CEP350: variants seen among roughly 807,000 people sequenced by gnomAD.
CEP350 encodes the protein centrosome-associated protein 350.
In CEP350, 126 loss-of-function variants were observed where a neutral mutation model predicts 331.8. That is an observed-to-expected ratio of 0.38 (90% CI 0.33 to 0.44). The LOEUF is 0.44. Among genes scored for constraint, CEP350 ranks in the 20% least tolerant of loss-of-function variants. CEP350 has a pLI of 1.00. For missense variants in CEP350, 3,406 were observed against 3,634.6 expected, an observed-to-expected ratio of 0.94 and a Z score of 1.62; for synonymous variants, 1,200 against 1,259.5, an observed-to-expected ratio of 0.95 and a Z score of 1.00.
intron 25 of CEP350, among the ~76,000 whole-genome samples, chr1:180,057,050 T>C (rs180994348): frequency 3.5e-4 from 54 of 152,212 alleles, no homozygotes; most frequent in African/African-American, 1.1e-3. Flanking sequence ...CTTTTTAAAA[T>C]AGATTTTGAC....
intron 4 of CEP350, among the ~76,000 whole-genome samples, chr1:179,990,851 A>C (rs2148686100): frequency 6.6e-6 from 1 of 152,132 alleles, no homozygotes; most frequent in Admixed American, 6.5e-5. Flanking sequence ...TAGCTACCAC[A>C]CTCTACCTTA....
intron 37 of CEP350, among the ~76,000 whole-genome samples, chr1:180,103,541 A>G (rs1458395232): frequency 1.3e-5 from 2 of 151,926 alleles, no homozygotes; most frequent in Non-Finnish European, 2.9e-5. Context: ...TTTATGGGGA[A>G]TTGGTCTTTT....
rs758965465 is a variant in CEP350 at position 180,098,977 on chromosome 1, C to T, written c.9181C>T (p.His3061Tyr). Residue 3061 changes from histidine (H) to tyrosine (Y), a missense_variant, in exon 37 of 38, where the codon CAT (histidine) becomes TAT (tyrosine). Transcript: ENST00000367607. ...FGRKKRDRVDHILVQELHEEE... is the reference protein window; with the variant it reads ...FGRKKRDRVDYILVQELHEEE... Reference sequence around the variant, plus strand: ...AAGAAAGAAAAGAGACCGAGTGGATCATATCCTGGTCAGTGTATACAACCA... The same window carrying T: ...AAGAAAGAAAAGAGACCGAGTGGATTATATCCTGGTCAGTGTATACAACCA... 6.2e-7 allele frequency: 1 copy of T among 1,613,250 alleles called. No homozygotes were observed. Among genetic ancestry groups the T allele is most frequent in the South Asian group, 1.1e-5 (1 of 91,030 alleles).
intron 3 of CEP350, among the ~76,000 whole-genome samples, chr1:179,989,304 A>G (rs1652877836): frequency 6.6e-6 from 1 of 151,266 alleles, no homozygotes; most frequent in Non-Finnish European, 1.5e-5. Flanking sequence ...TGAATTTTAA[A>G]CTCCATCTCT....
intron 16 of CEP350, among the ~76,000 whole-genome samples, chr1:180,036,225 C>G (rs1336009008): frequency 6.6e-6 from 1 of 152,136 alleles, no homozygotes; most frequent in Non-Finnish European, 1.5e-5. Context: ...TATGCATGAG[C>G]AAAGAAAGTG....
intron 19 of CEP350, 75 bp downstream of exon 19, chr1:180,041,877 G>T (rs931804010): frequency 1.5e-6 from 2 of 1,356,356 alleles, no homozygotes; most frequent in Non-Finnish European, 2.0e-6. Flanking sequence ...TCAGTAATGG[G>T]TTTCTAATAT....
chr1:179,970,769 A>G (rs1651388199), intron 1 of CEP350, among the ~76,000 whole-genome samples: 1 of 152,246 alleles, frequency 6.6e-6, no homozygotes, highest in Non-Finnish European at 1.5e-5. Flanking sequence ...TTAGAAGATA[A>G]TTGAGAATTG....
At chr1:179,982,107 C>T (rs1652311875) in intron 1 of CEP350, among the ~76,000 whole-genome samples, 1 of 152,110 alleles carries the variant, frequency 6.6e-6, no homozygotes, top group African/African-American at 2.4e-5. Context: ...CATAAATGTG[C>T]AAGTTGATAA....
intron 27 of CEP350, among the ~76,000 whole-genome samples, 192 bp downstream of exon 27, chr1:180,065,464 C>T (rs982179053): frequency 1.3e-5 from 2 of 151,896 alleles, no homozygotes; most frequent in Non-Finnish European, 2.9e-5. Context: ...AATTTTAATA[C>T]GAGCAGGTTT....
intron 14 of CEP350, among the ~76,000 whole-genome samples, chr1:180,025,797 A>G (rs535797156): frequency 1.1e-4 from 17 of 152,250 alleles, no homozygotes; most frequent in Admixed American, 1.1e-3. Context: ...TACCTAATGC[A>G]TGCGGGGCTT....
At chr1:180,043,865 A>G (rs1371247729) in intron 20 of CEP350, among the ~76,000 whole-genome samples, 186 bp from the exon 21 acceptor site, 1 of 151,868 alleles carries the variant, frequency 6.6e-6, no homozygotes, top group Non-Finnish European at 1.5e-5. Context: ...GTTTACATTC[A>G]TTGATACTAG....
chr1:180,066,648 G>A (rs939468121), intron 27 of CEP350, among the ~76,000 whole-genome samples: 6 of 152,138 alleles, frequency 3.9e-5, no homozygotes, highest in African/African-American at 7.2e-5. Context: ...TATAAGAGGT[G>A]AAACCAAATA....
At position 180,029,166 on chromosome 1, in the gene CEP350, T is replaced by A. The variant is rs193132643; in HGVS notation, c.3551-2154T>A. Among the ~76,000 whole-genome samples, 10 of 152,340 alleles carry A rather than the reference T, an allele frequency of 6.6e-5. No homozygotes were observed. In the East Asian group the frequency reaches 1.9e-3, roughly 29 times the overall value. ...GTAATCCTAGGGGAAAAAAATTTGC[T>A]TTAAGATATGGAATATGGCTTTACT... On this transcript the variant is annotated intron_variant, in intron 14 of 37. Transcript: ENST00000367607.
chr1:180,085,059 C>T (rs1659783345), intron 31 of CEP350, among the ~76,000 whole-genome samples: 1 of 151,456 alleles, frequency 6.6e-6, no homozygotes, highest in Non-Finnish European at 1.5e-5. Flanking sequence ...CTTCCCTCTT[C>T]CCTGTCCCCT....
rs758686717 is a variant in CEP350 at position 180,065,101 on chromosome 1, CTT to C, written c.5410-10_5410-9del. 3.8e-6 allele frequency: 6 copies of C among 1,576,916 alleles called. No homozygotes were observed. In the African/African-American group the frequency reaches 8.2e-5, roughly 22 times the overall value. On this transcript the variant is annotated splice_polypyrimidine_tract_variant and intron_variant, in intron 26 of 37. Transcript: ENST00000367607. ...ATTAAAGTCCAATACAATTTTGCCT[CTT>C]TTTGTTTGCAGGACTCTCATAGTGA...
At chr1:180,084,620 T>A (rs1659752658) in intron 31 of CEP350, among the ~76,000 whole-genome samples, 1 of 152,158 alleles carries the variant, frequency 6.6e-6, no homozygotes, top group African/African-American at 2.4e-5. Flanking sequence ...TGCCTCGGCC[T>A]CCCAAAGTGC....
chr1:180,044,258 C>A, intron 21 of CEP350, 85 bp downstream of exon 21: 1 of 1,324,138 alleles, frequency 7.6e-7, no homozygotes, highest in Non-Finnish European at 1.0e-6. Flanking sequence ...ATTTCTTAAT[C>A]TTGTTTATTT....
At chr1:180,069,881 GT>G (rs1440505270) in intron 27 of CEP350, among the ~76,000 whole-genome samples, 1 of 152,126 alleles carries the variant, frequency 6.6e-6, no homozygotes, top group African/African-American at 2.4e-5. Flanking sequence ...TGTAAGTTTT[GT>G]TTTGGGAAGA....
chr1:180,069,015 T>A (rs1276597319), intron 27 of CEP350, among the ~76,000 whole-genome samples: 1 of 152,186 alleles, frequency 6.6e-6, no homozygotes, highest in East Asian at 1.9e-4. Context: ...TTCAAACTCC[T>A]CAGTACAAGT....
Sources: allele counts gnomAD v4.1 joint callset (sites outside exome capture counted in the v4.1 genomes callset), GRCh38; gene constraint gnomAD v4.1.1; transcripts MANE v1.5; gene names NCBI Gene and HGNC (gene_info 2026-07-23, HGNC 2026-07-21).